DNAJB8: variants seen among roughly 807,000 people sequenced by gnomAD.
DNAJB8 encodes the protein dnaJ homolog subfamily B member 8.
For missense variants in DNAJB8, 354 were observed against 318.9 expected (o/e 1.11, Z -0.84); for synonymous variants, 127 against 127.1 (o/e 1.00, Z 0.00).
chr3:128,464,625 T>G (rs923218802), intron 2 of DNAJB8, among the ~76,000 whole-genome samples: 9 of 152,184 alleles, frequency 5.9e-5, no homozygotes, highest in African/African-American at 2.2e-4. Flanking sequence ...CTGATTAATA[T>G]CTGTTCCTAC....
chr3:128,464,562 C>T (rs2068496983), intron 2 of DNAJB8, among the ~76,000 whole-genome samples: 1 of 152,210 alleles, frequency 6.6e-6, no homozygotes, highest in Admixed American at 6.5e-5. Flanking sequence ...ATTTATATTC[C>T]TTTAATTCTT....
rs374525334 is a variant in DNAJB8 at position 128,462,610 on chromosome 3, G to A, written c.636C>T (p.Asp212=). The A allele has an allele frequency of 7.9e-5, 127 of 1,613,644 alleles. No homozygotes were observed. The highest frequency in any genetic ancestry group is 9.5e-5 in the Non-Finnish European group (112 of 1,179,834). Residue 212 remains aspartate, a synonymous_variant, in exon 3 of 3, where the codon GAC becomes GAT. Coordinates refer to ENST00000319153, the MANE Select transcript of DNAJB8 (RefSeq NM_153330.6). ...NGQERVEVEE[D]GQLKSVTVNG... is the part of the protein sequence containing the mutation. ...TCACAGTCACCGACTTGAGCTGCCC[G>A]TCTTCCTCCACCTCCACGCGCTCCT...
chr3:128,462,559 C>T lies in DNAJB8; in HGVS notation c.687G>A (p.Met229Ile), dbSNP rs2068473259. The change falls in exon 3 of 3, where the codon ATG becomes ATA. Residue 229 changes from methionine (M) to isoleucine (I), a missense_variant. Coordinates refer to ENST00000319153, the MANE Select transcript of DNAJB8 (RefSeq NM_153330.6). ...GGGTGGCCAGCGCCTACTTGCTGTC[C>T]ATCCATTTGAGCTGCTCCTTGCCGT... ...TVNGKEQLKWMDSK is the reference protein window; with the variant it reads ...TVNGKEQLKWIDSK 6.2e-7 allele frequency: 1 copy of T among 1,602,280 alleles called. No homozygotes were observed. Among genetic ancestry groups the T allele is most frequent in the Non-Finnish European group, 8.5e-7 (1 of 1,171,280 alleles).
intron 2 of DNAJB8, 44 bp from the exon 3 acceptor site, chr3:128,464,154 C>G (rs4411899): frequency 0.61 from 93,992 of 152,914 alleles, 29,965 homozygotes; most frequent in Non-Finnish European, 0.7. Flanking sequence ...TGATTACTGA[C>G]TGTAGTGGGT....
In DNAJB8 at chr3:128,462,543, G is replaced by T. The variant is rs766286383; in HGVS notation, c.*4C>A. The stretch of plus-strand genomic sequence containing the variant: ...GTGGGAAGGCAGGGCCGGGTGGCCA[G>T]CGCCTACTTGCTGTCCATCCATTTG... On this transcript the variant is annotated 3_prime_UTR_variant, in exon 3 of 3. Transcript: ENST00000319153. 2 of 1,593,332 alleles carry T rather than the reference G, an allele frequency of 1.3e-6. No homozygotes were observed.
Position 128,463,470 on chromosome 3 carries a change from G to A in DNAJB8, c.-225C>T, listed in dbSNP as rs963945839. On this transcript the variant is annotated 5_prime_UTR_variant, in exon 3 of 3. Transcript: ENST00000319153. ...CCCCCACTGAGAGGAGTGGGGGGAG[G>A]GGAGGGACACTGCCGCTGTGGGGCC... 2.5e-4 allele frequency: 117 copies of A among 474,060 alleles called. No individual in the cohort carries two copies. The highest frequency in any genetic ancestry group is 2.2e-3 in the African/African-American group (111 of 51,440). The allele number at this position is 474,060 out of a possible 1,614,324, so 29.4% of individuals were successfully genotyped here.
chr3:128,464,813 C>G (rs2068499609), intron 2 of DNAJB8, among the ~76,000 whole-genome samples: 1 of 146,130 alleles, frequency 6.8e-6, no homozygotes. Context: ...CCCTTCCCTT[C>G]CCTTCCGTTC....
rs2068472279 is a variant in DNAJB8 at position 128,462,475 on chromosome 3, T to C, written c.*72A>G. 6.8e-7 allele frequency: 1 copy of C among 1,479,664 alleles called. No homozygotes were observed. Among genetic ancestry groups the C allele is most frequent in the Admixed American group, 2.0e-5 (1 of 50,874 alleles). 91.7% of individuals were successfully genotyped at this position (1,479,664 alleles called of 1,614,324 possible). A position where few individuals can be genotyped will look rare whatever the true frequency, so the allele number is the denominator to read the frequency against. On this transcript the variant is annotated 3_prime_UTR_variant, in exon 3 of 3. Coordinates refer to ENST00000319153, the MANE Select transcript of DNAJB8 (RefSeq NM_153330.6). The stretch of plus-strand genomic sequence containing the variant: ...CACATTTATTAACCATCAGGCTATG[T>C]CTGCGGCCCCACGTGTTTGCTGCCC...
chr3:128,463,339 G>C lies in DNAJB8; in HGVS notation c.-94C>G. On this transcript the variant is annotated 5_prime_UTR_variant, in exon 3 of 3. Coordinates refer to ENST00000319153, the MANE Select transcript of DNAJB8 (RefSeq NM_153330.6). Reference sequence around the variant, plus strand: ...ATGGACGGGGGAGAAGTGGCCGGTGGTCTGGGGCCCTTCAGCAGGGGCCTG... The same window carrying C: ...ATGGACGGGGGAGAAGTGGCCGGTGCTCTGGGGCCCTTCAGCAGGGGCCTG... 2 of 1,187,282 alleles carry C rather than the reference G, an allele frequency of 1.7e-6. No homozygotes were observed. The highest frequency in any genetic ancestry group is 2.4e-6 in the Non-Finnish European group (2 of 837,986). The allele number at this position is 1,187,282 out of a possible 1,614,324, so 73.5% of individuals were successfully genotyped here.
intron 1 of DNAJB8, chr3:128,465,701 C>T (rs1406120790): frequency 6.6e-6 from 1 of 152,338 alleles, no homozygotes; most frequent in African/African-American, 2.4e-5. Context: ...GTGACAGCAG[C>T]AAGGCTTGTG....
rs1368210685 is a variant in DNAJB8, at chr3:128,463,360, G to T, written c.-115C>A. ...GGTGGTCTGGGGCCCTTCAGCAGGGGCCTGGCTGGACTCCGCAAGCTCTAG... is the reference window on the plus strand; with the variant it reads ...GGTGGTCTGGGGCCCTTCAGCAGGGTCCTGGCTGGACTCCGCAAGCTCTAG... On this transcript the variant is annotated 5_prime_UTR_variant, in exon 3 of 3. Coordinates refer to ENST00000319153, the MANE Select transcript of DNAJB8 (RefSeq NM_153330.6). 6.5e-6 allele frequency: 6 copies of T among 916,360 alleles called. No homozygotes were observed. Among genetic ancestry groups the T allele is most frequent in the Non-Finnish European group, 1.0e-5 (6 of 599,786 alleles). The allele number at this position is 916,360 out of a possible 1,614,324, so 56.8% of individuals were successfully genotyped here.
rs991774385 is a variant in DNAJB8 at position 128,462,507 on chromosome 3, C to T, written c.*40G>A. On this transcript the variant is annotated 3_prime_UTR_variant, in exon 3 of 3. Transcript: ENST00000319153. Reference sequence around the variant, plus strand: ...CCCCACGTGTTTGCTGCCCCATGCACGGTGGTGGTGGTGGGAAGGCAGGGC... The same window carrying T: ...CCCCACGTGTTTGCTGCCCCATGCATGGTGGTGGTGGTGGGAAGGCAGGGC... The T allele has an allele frequency of 1.4e-5, 22 of 1,566,208 alleles. No homozygotes were observed. Among genetic ancestry groups the T allele is most frequent in the African/African-American group, 9.4e-5 (7 of 74,126 alleles).
In DNAJB8 at chr3:128,462,469, G is replaced by A; in HGVS notation, c.*78C>T. On this transcript the variant is annotated 3_prime_UTR_variant, in exon 3 of 3. Transcript: ENST00000319153. ...ACTTGGCACATTTATTAACCATCAG[G>A]CTATGTCTGCGGCCCCACGTGTTTG... is the stretch of plus-strand genomic sequence containing the variant. 1.4e-6 allele frequency: 2 copies of A among 1,444,754 alleles called. No individual in the cohort carries two copies. Among genetic ancestry groups the A allele is most frequent in the South Asian group, 1.3e-5 (1 of 77,606 alleles). 89.5% of individuals were successfully genotyped at this position (1,444,754 alleles called of 1,614,324 possible).
chr3:128,464,532 G>A (rs761109354), intron 2 of DNAJB8, among the ~76,000 whole-genome samples: 4 of 152,218 alleles, frequency 2.6e-5, no homozygotes, highest in Non-Finnish European at 5.9e-5. Context: ...GGTGAGTGAG[G>A]TAACCAAATA....
rs766637147 is a variant in DNAJB8, at chr3:128,463,053, A to G, written c.193T>C (p.Tyr65His). ...CAGCTGTCACAGCCAGCACGGTCAT[A>G]CAGGGAGCGTTTCTTGGAGTCAGAC... is the stretch of plus-strand genomic sequence containing the variant. ...VLSDSKKRSL[Y>H]DRAGCDSWRA... The change falls in exon 3 of 3, where the codon TAT (tyrosine) becomes CAT (histidine). Residue 65 changes from tyrosine (Y) to histidine (H), a missense_variant. By Grantham distance (83) the Tyr-to-His change is moderately conservative. Coordinates refer to ENST00000319153, the MANE Select transcript of DNAJB8 (RefSeq NM_153330.6). 1.9e-6 allele frequency: 3 copies of G among 1,614,198 alleles called. No individual in the cohort carries two copies. The highest frequency in any genetic ancestry group is 2.5e-6 in the Non-Finnish European group (3 of 1,180,036).
chr3:128,463,382 C>G lies in DNAJB8; in HGVS notation c.-137G>C. The G allele has an allele frequency of 1.4e-6, 1 of 724,040 alleles. No homozygotes were observed. Among genetic ancestry groups the G allele is most frequent in the Admixed American group, 2.9e-5 (1 of 34,828 alleles). 44.9% of individuals were successfully genotyped at this position (724,040 alleles called of 1,614,324 possible). Reference sequence around the variant, plus strand: ...GGGGCCTGGCTGGACTCCGCAAGCTCTAGGCAAGATTCTGCCCAGGAGTTC... The same window carrying G: ...GGGGCCTGGCTGGACTCCGCAAGCTGTAGGCAAGATTCTGCCCAGGAGTTC... On this transcript the variant is annotated 5_prime_UTR_variant, in exon 3 of 3. Transcript: ENST00000319153.
rs2068474663 is a variant in DNAJB8, at chr3:128,462,673, G to T, written c.573C>A (p.Gly191=). Reference sequence around the variant, plus strand: ...CGATGCGCTTGGTGGTGACCTTGTGGCCATTGATCATCTCGGTGGACGACA... The same window carrying T: ...CGATGCGCTTGGTGGTGACCTTGTGTCCATTGATCATCTCGGTGGACGACA... ...SVMSSTEMIN[G]HKVTTKRIVE... Residue 191 remains glycine (G), a synonymous_variant, in exon 3 of 3, where the codon GGC becomes GGA. Coordinates refer to ENST00000319153, the MANE Select transcript of DNAJB8 (RefSeq NM_153330.6). The T allele has an allele frequency of 6.2e-7, 1 of 1,613,952 alleles. No homozygotes were observed. The highest frequency in any genetic ancestry group is 1.1e-5 in the South Asian group (1 of 91,074).
chr3:128,464,871 A>C (rs900901152), intron 2 of DNAJB8, among the ~76,000 whole-genome samples: 207 of 69,892 alleles, frequency 3.0e-3, no homozygotes, highest in East Asian at 5.8e-3. Context: ...TCCTTCCTTC[A>C]TTTCCTCCTT....
In DNAJB8 at chr3:128,462,890, A is replaced by G. The variant is rs547558895; in HGVS notation, c.356T>C (p.Phe119Ser). 10 of 1,614,114 alleles carry G rather than the reference A, an allele frequency of 6.2e-6. No individual in the cohort carries two copies. In the South Asian group the frequency reaches 9.9e-5, roughly 16 times the overall value. Residue 119 changes from phenylalanine to serine, a missense_variant, in exon 3 of 3, where the codon TTC (phenylalanine) becomes TCC (serine). Physicochemically the swap from Phe to Ser is radical, Grantham distance 155. Coordinates refer to ENST00000319153, the MANE Select transcript of DNAJB8 (RefSeq NM_153330.6). ...PFSFEFWDSP[F>S]NSDRGGRGHG... ...GCCCCGGCCACCACGGTCACTATTGAATGGGCTGTCCCAGAACTCAAAGGA... is the reference window on the plus strand; with the variant it reads ...GCCCCGGCCACCACGGTCACTATTGGATGGGCTGTCCCAGAACTCAAAGGA...
Sources: allele counts gnomAD v4.1 joint callset (sites outside exome capture counted in the v4.1 genomes callset), GRCh38; gene constraint gnomAD v4.1.1; transcripts MANE v1.5; gene names NCBI Gene and HGNC (gene_info 2026-07-23, HGNC 2026-07-21).